Variants in SLC4A8 observed in about 807,000 individuals in gnomAD.
The protein encoded by SLC4A8 is solute carrier family 4 member 8, also known as electroneutral sodium bicarbonate exchanger 1.
Under a neutral mutation model 125.0 loss-of-function variants are expected in SLC4A8, and 40 were observed. The ratio of observed to expected loss-of-function variants is 0.32; its 90% CI spans 0.25 to 0.42. SLC4A8 has a LOEUF of 0.42. Among genes scored for constraint, SLC4A8 ranks in the 10% least tolerant of loss-of-function variants. The pLI is 1.00. For synonymous variants in SLC4A8, 456 were observed against 476.0 expected (o/e 0.96, Z 0.55); for missense variants, 863 against 1,355.1 (o/e 0.64, Z 5.70).
upstream of SLC4A8, chr12:51,422,213 A>G (rs965944157): frequency 2.0e-5 from 3 of 152,244 alleles, no homozygotes; most frequent in East Asian, 1.9e-4. Flanking sequence ...CATTATGACT[A>G]TTAAATGACA....
Position 51,509,368 on chromosome 12 carries a change from G to A in SLC4A8, c.*1930G>A, listed in dbSNP as rs1476452525. The A allele has an allele frequency of 3.9e-5, 6 of 152,188 alleles. No homozygotes were observed. The highest frequency in any genetic ancestry group is 3.9e-4 in the Admixed American group (6 of 15,280). 9.4% of individuals were successfully genotyped at this position (152,188 alleles called of 1,614,324 possible). On this transcript the variant is annotated 3_prime_UTR_variant, in exon 25 of 25. Coordinates refer to ENST00000453097, the MANE Select transcript of SLC4A8 (RefSeq NM_001039960.3). ...CACATTTTAGCACTTTAGGATAACT[G>A]TAGTAATTGTACTCATTTACCTACC...
At chr12:51,506,670 G>A (rs780354402) in intron 24 of SLC4A8, among the ~76,000 whole-genome samples, 8 of 152,184 alleles carry the variant, frequency 5.3e-5, no homozygotes, top group Non-Finnish European at 7.4e-5. Flanking sequence ...CTGGACTCAA[G>A]GGATCCTCCT....
Position 51,440,803 on chromosome 12 carries a change from T to C in SLC4A8, c.130+14T>C. On this transcript the variant is annotated intron_variant, in intron 2 of 24. Coordinates refer to ENST00000453097, the MANE Select transcript of SLC4A8 (RefSeq NM_001039960.3). ...AAGAGCTGGAAGGTAAGAACTGCCA[T>C]GCTGTGTGATCAGGGAAATTGGTGA... 6.3e-7 allele frequency: 1 copy of C among 1,598,012 alleles called. No homozygotes were observed. The highest frequency in any genetic ancestry group is 1.1e-5 in the South Asian group (1 of 88,430).
At chr12:51,479,410 T>G (rs10783444) in intron 16 of SLC4A8, among the ~76,000 whole-genome samples, 141,029 of 152,256 alleles carry the variant, frequency 0.93, 65,374 homozygotes, top group Non-Finnish European at 0.95. Context: ...AAAGGGGCTG[T>G]GTGCGGTGGC....
chr12:51,492,196 C>T (rs773403840), intron 19 of SLC4A8, among the ~76,000 whole-genome samples: 8 of 152,130 alleles, frequency 5.3e-5, no homozygotes, highest in Admixed American at 1.3e-4. Context: ...GAGAAGGAAA[C>T]TTTACGGCTG....
At chr12:51,478,048 G>A (rs546499814) in intron 16 of SLC4A8, among the ~76,000 whole-genome samples, 3 of 152,182 alleles carry the variant, frequency 2.0e-5, no homozygotes, top group South Asian at 4.2e-4. Context: ...GGCCGAGATG[G>A]GCAGATCACG....
At position 51,460,016 on chromosome 12, in the gene SLC4A8, G is replaced by A; in HGVS notation, c.921G>A (p.Glu307=). Residue 307 remains glutamate, a synonymous_variant, in exon 8 of 25, where the codon GAG becomes GAA. Transcript: ENST00000453097. ...AGGCCTCCAATGTCCTGGTTGGAGA[G>A]GTGGATATTTTGGACCGTCCCATTG... The part of the protein sequence containing the change: ...GAEASNVLVG[E]VDILDRPIVA... 6.2e-7 allele frequency: 1 copy of A among 1,613,124 alleles called. No homozygotes were observed. Among genetic ancestry groups the A allele is most frequent in the Non-Finnish European group, 8.5e-7 (1 of 1,179,052 alleles).
At chr12:51,420,956 T>C (rs955394352), upstream of SLC4A8, among the ~76,000 whole-genome samples, 2 of 152,076 alleles carry the variant, frequency 1.3e-5, no homozygotes, top group Non-Finnish European at 2.9e-5. Flanking sequence ...TACCTCAGAG[T>C]TGTTGCAAGG....
intron 10 of SLC4A8, among the ~76,000 whole-genome samples, chr12:51,463,173 T>C (rs1950395176): frequency 6.6e-6 from 1 of 152,196 alleles, no homozygotes; most frequent in Admixed American, 6.5e-5. Flanking sequence ...AGGTGCTTTA[T>C]ATATGCAAAT....
At chr12:51,425,184 G>C (rs917838144) in intron 1 of SLC4A8, 149 bp downstream of exon 1, 1 of 1,422,472 alleles carries the variant, frequency 7.0e-7, no homozygotes, top group African/African-American at 1.5e-5. Flanking sequence ...ACCAGGGGGC[G>C]CTCCGGGCGG....
At chr12:51,415,899 C>T (rs1451846624) in intron 1 of SLC4A8, among the ~76,000 whole-genome samples, 1 of 149,726 alleles carries the variant, frequency 6.7e-6, no homozygotes. Context: ...TGCAAATGTA[C>T]CCCCGAATCT....
intron 11 of SLC4A8, among the ~76,000 whole-genome samples, chr12:51,469,402 T>C (rs1234013467): frequency 6.6e-6 from 1 of 152,220 alleles, no homozygotes; most frequent in Non-Finnish European, 1.5e-5. Context: ...TCTTTGTATG[T>C]TTAGGATATT....
In SLC4A8 at chr12:51,418,659, T is replaced by C. The variant is rs377639728; in HGVS notation, c.-111-22049T>C. Among the ~76,000 whole-genome samples the C allele has an allele frequency of 3.3e-5, 5 of 152,312 alleles. No homozygotes were observed. The East Asian group carries it at 7.7e-4, about 23-fold the overall frequency. On this transcript the variant is annotated intron_variant, in intron 1 of 24. Transcript: ENST00000358657. Reference sequence around the variant, plus strand: ...GGCCGGCCCTTTCAATTTGGTAAAATGTTAGAGATAGAAAAAAGATAAGTG... The same window carrying C: ...GGCCGGCCCTTTCAATTTGGTAAAACGTTAGAGATAGAAAAAAGATAAGTG...
intron 14 of SLC4A8, 163 bp downstream of exon 14, chr12:51,471,695 G>A (rs1404222378): frequency 2.8e-6 from 2 of 715,348 alleles, no homozygotes; most frequent in Non-Finnish European, 4.6e-6. Context: ...GGCTGCCAGA[G>A]GAGAACAATC....
At position 51,393,475 on chromosome 12, in the gene SLC4A8, A is replaced by C. The variant is rs1032664298; in HGVS notation, c.-112+1987A>C. Reference sequence around the variant, plus strand: ...ATCCTAGCAAGAAGTTCTGACACGCACTGGGAAAGGCAGGGAAGCCAGCCG... The same window carrying C: ...ATCCTAGCAAGAAGTTCTGACACGCCCTGGGAAAGGCAGGGAAGCCAGCCG... On this transcript the variant is annotated intron_variant, in intron 1 of 24. Transcript: ENST00000358657. 7.2e-5 allele frequency among the ~76,000 whole-genome samples: 11 copies of C among 152,292 alleles called. No homozygotes were observed. The South Asian group carries it at 2.3e-3, about 32-fold the overall frequency.
At chr12:51,478,274 C>A (rs368042223) in intron 16 of SLC4A8, among the ~76,000 whole-genome samples, 73 of 133,632 alleles carry the variant, frequency 5.5e-4, no homozygotes, top group Non-Finnish European at 4.8e-4. Flanking sequence ...AACTCCGTCT[C>A]AAAAAAAAAA....
At chr12:51,404,655 A>G (rs1235953693) in intron 1 of SLC4A8, among the ~76,000 whole-genome samples, 4 of 152,196 alleles carry the variant, frequency 2.6e-5, no homozygotes, top group Admixed American at 2.6e-4. Context: ...ATGAGGCAGG[A>G]GAGTCAACTT....
At chr12:51,449,324 G>C (rs184452172) in intron 2 of SLC4A8, among the ~76,000 whole-genome samples, 4 of 151,972 alleles carry the variant, frequency 2.6e-5, no homozygotes, top group African/African-American at 9.7e-5. Context: ...TGTGGTCCCA[G>C]CTACATGGGA....
At position 51,433,851 on chromosome 12, in the gene SLC4A8, G is replaced by GTTTT. The variant is rs869249897; in HGVS notation, c.49-6833_49-6830dup. 1.8e-3 allele frequency among the ~76,000 whole-genome samples: 119 copies of GTTTT among 64,690 alleles called. 1 individual carries two copies. The highest frequency in any genetic ancestry group is 3.8e-3 in the East Asian group (9 of 2,360). The allele number at this position is 64,690 out of a possible 152,430, so 42.4% of individuals were successfully genotyped here. A position where few individuals can be genotyped will look rare whatever the true frequency, so the allele number is the denominator to read the frequency against. ...GGCGTCAACAATGAACACACCATCT[G>GTTTT]TTTTTTTTTTTTTTTTTTTTTTTTT... is the stretch of plus-strand genomic sequence containing the variant. On this transcript the variant is annotated intron_variant, in intron 1 of 24. Coordinates refer to ENST00000453097, the MANE Select transcript of SLC4A8 (RefSeq NM_001039960.3).
Sources: allele counts gnomAD v4.1 joint callset (sites outside exome capture counted in the v4.1 genomes callset), GRCh38; gene constraint gnomAD v4.1.1; transcripts MANE v1.5; gene names NCBI Gene and HGNC (gene_info 2026-07-23, HGNC 2026-07-21).